BANK1: variants seen among roughly 807,000 people sequenced by gnomAD.
BANK1 encodes the protein B-cell scaffold protein with ankyrin repeats.
BANK1 carries 95 observed loss-of-function variants against 94.5 expected under a neutral mutation model. The ratio of observed to expected loss-of-function variants is 1.00; its 90% CI spans 0.85 to 1.19. The LOEUF (loss-of-function observed/expected upper bound fraction) is 1.19. Among genes scored for constraint, BANK1 ranks in the 50% most tolerant of loss-of-function variants. The pLI is 0.00. For missense variants in BANK1, 987 were observed against 932.2 expected (o/e 1.06, Z -0.77); for synonymous variants, 334 against 308.4 (o/e 1.08, Z -0.87).
At chr4:101,890,203 T>A (rs1316840812) in intron 5 of BANK1, among the ~76,000 whole-genome samples, 1 of 152,098 alleles carries the variant, frequency 6.6e-6, no homozygotes, top group Non-Finnish European at 1.5e-5. Flanking sequence ...GATGATGGTG[T>A]GTTTGAATTT....
intron 9 of BANK1, among the ~76,000 whole-genome samples, chr4:102,027,685 G>T (rs201504213): frequency 8.0e-6 from 1 of 125,284 alleles, no homozygotes; most frequent in Admixed American, 7.9e-5. Flanking sequence ...AAAAAAAAAA[G>T]CCTTCTCCTC....
At chr4:102,046,134 C>T (rs922197489) in intron 11 of BANK1, among the ~76,000 whole-genome samples, 30 of 151,260 alleles carry the variant, frequency 2.0e-4, no homozygotes, top group African/African-American at 2.2e-4. Context: ...TCAGAAATAA[C>T]GCCGCATATC....
At chr4:102,008,558 T>C (rs73834553) in intron 7 of BANK1, among the ~76,000 whole-genome samples, 17,978 of 152,238 alleles carry the variant, frequency 0.12, 1,235 homozygotes, top group East Asian at 0.27. Context: ...ATTTGTGATA[T>C]GAGTATAGTG....
intron 2 of BANK1, among the ~76,000 whole-genome samples, chr4:101,838,019 G>C (rs1163496909): frequency 6.6e-6 from 1 of 151,616 alleles, no homozygotes; most frequent in East Asian, 1.9e-4. Context: ...GAGTGCAGTG[G>C]TGGGACCTGG....
At chr4:101,861,065 C>T (rs1040124774) in intron 3 of BANK1, among the ~76,000 whole-genome samples, 13 of 152,274 alleles carry the variant, frequency 8.5e-5, no homozygotes, top group South Asian at 2.1e-4. Context: ...GCTTACACTC[C>T]GGCTTTTCTG....
Position 102,074,400 on chromosome 4 carries a change from A to C in BANK1, c.*401A>C, listed in dbSNP as rs1053066745. The stretch of plus-strand genomic sequence containing the variant: ...CTCCTCTCCTTAGAATAACCATGAA[A>C]ATACAAATTTACTTAGCACATTTTT... On this transcript the variant is annotated 3_prime_UTR_variant, in exon 17 of 17. Transcript: ENST00000322953. 3.9e-5 allele frequency: 6 copies of C among 152,078 alleles called. No homozygotes were observed. Among genetic ancestry groups the C allele is most frequent in the Non-Finnish European group, 8.8e-5 (6 of 67,924 alleles). 9.4% of individuals were successfully genotyped at this position (152,078 alleles called of 1,614,324 possible). A position where few individuals can be genotyped will look rare whatever the true frequency, so the allele number is the denominator to read the frequency against.
chr4:101,823,628 T>C (rs1726257107), intron 1 of BANK1, among the ~76,000 whole-genome samples: 1 of 152,218 alleles, frequency 6.6e-6, no homozygotes, highest in Non-Finnish European at 1.5e-5. Context: ...TTTCAGTTTA[T>C]ATATCCAGGG....
chr4:101,835,304 A>G (rs188333919), intron 2 of BANK1, among the ~76,000 whole-genome samples: 1 of 152,256 alleles, frequency 6.6e-6, no homozygotes, highest in East Asian at 1.9e-4. Flanking sequence ...CACCTCTCCA[A>G]GGCCTCTGTC....
At chr4:102,053,210 G>T (rs1031988575) in intron 11 of BANK1, among the ~76,000 whole-genome samples, 2 of 152,128 alleles carry the variant, frequency 1.3e-5, no homozygotes, top group African/African-American at 4.8e-5. Context: ...TACGATCAAT[G>T]ACTTTATTAA....
intron 1 of BANK1, among the ~76,000 whole-genome samples, chr4:101,821,740 T>A (rs1189796968): frequency 6.6e-6 from 1 of 152,152 alleles, no homozygotes; most frequent in East Asian, 1.9e-4. Flanking sequence ...TTTACTACAC[T>A]AGTGAGATAA....
At chr4:101,883,419 G>A (rs921333960) in intron 5 of BANK1, among the ~76,000 whole-genome samples, 16 of 152,062 alleles carry the variant, frequency 1.1e-4, no homozygotes, top group Admixed American at 5.9e-4. Flanking sequence ...AGTCATCTTC[G>A]TCTATTTTCA....
chr4:101,935,208 A>T (rs1328881425), intron 7 of BANK1, among the ~76,000 whole-genome samples: 1 of 151,588 alleles, frequency 6.6e-6, no homozygotes, highest in Non-Finnish European at 1.5e-5. Context: ...CAGGTTACCC[A>T]AATTAACATA....
chr4:101,870,672 C>A, intron 5 of BANK1, 28 bp downstream of exon 5: 1 of 1,599,820 alleles, frequency 6.3e-7, no homozygotes, highest in South Asian at 1.1e-5. Flanking sequence ...CGAAGTTAAT[C>A]ATAATGTAAG....
intron 6 of BANK1, among the ~76,000 whole-genome samples, chr4:101,903,799 C>T (rs1722357706): frequency 6.6e-6 from 1 of 152,166 alleles, no homozygotes; most frequent in Non-Finnish European, 1.5e-5. Context: ...TGGTTACTTT[C>T]TGTGGCACAA....
intron 6 of BANK1, among the ~76,000 whole-genome samples, chr4:101,909,727 G>T (rs984634400): frequency 2.6e-5 from 4 of 152,046 alleles, no homozygotes; most frequent in African/African-American, 4.8e-5. Flanking sequence ...CCAGATTTTG[G>T]GGGGCCTGCT....
At chr4:101,948,543 C>A (rs1291963035) in intron 7 of BANK1, among the ~76,000 whole-genome samples, 1 of 152,104 alleles carries the variant, frequency 6.6e-6, no homozygotes, top group Non-Finnish European at 1.5e-5. Context: ...TTTTAGGAAA[C>A]TCAGTCTCTG....
At chr4:101,995,914 T>A (rs1326928834) in intron 7 of BANK1, among the ~76,000 whole-genome samples, 2 of 152,198 alleles carry the variant, frequency 1.3e-5, no homozygotes, top group African/African-American at 4.8e-5. Flanking sequence ...ACTCTGATGA[T>A]AGTTTTTTTG....
At chr4:101,925,566 T>C (rs1272317071) in intron 7 of BANK1, among the ~76,000 whole-genome samples, 2 of 151,828 alleles carry the variant, frequency 1.3e-5, no homozygotes, top group Non-Finnish European at 2.9e-5. Flanking sequence ...CATCATTAAA[T>C]AATTTTTTAA....
intron 7 of BANK1, among the ~76,000 whole-genome samples, chr4:101,983,951 A>G (rs1311518456): frequency 6.6e-6 from 1 of 152,056 alleles, no homozygotes; most frequent in Non-Finnish European, 1.5e-5. Flanking sequence ...GTGCACAAGA[A>G]AAAAAATTCC....
Sources: gnomAD v4.1 joint callset for allele counts (sites outside exome capture counted in the v4.1 genomes callset) on GRCh38, gnomAD v4.1.1 for gene constraint, MANE v1.5 for transcripts, NCBI Gene and HGNC (gene_info 2026-07-23, HGNC 2026-07-21) for gene names.